STAG1: variants seen among roughly 807,000 people sequenced by gnomAD.
STAG1 encodes cohesin subunit SA-1.
A neutral mutation model predicts 170.9 loss-of-function variants in STAG1; 26 were observed. That is an observed-to-expected ratio of 0.15 (90% CI 0.11 to 0.21). The LOEUF is 0.21. Among genes scored for constraint, STAG1 ranks in the 10% least tolerant of loss-of-function variants. The pLI, the probability that STAG1 is intolerant of heterozygous loss-of-function variation, is 1.00. For missense variants in STAG1, 964 were observed against 1,509.5 expected, an observed-to-expected ratio of 0.64 and a Z score of 5.99; for synonymous variants, 514 against 497.7, an observed-to-expected ratio of 1.03 and a Z score of -0.44.
At chr3:136,594,724 G>T (rs1938340544) in intron 4 of STAG1, among the ~76,000 whole-genome samples, 1 of 152,154 alleles carries the variant, frequency 6.6e-6, no homozygotes, top group African/African-American at 2.4e-5. Flanking sequence ...TTGTAGCCCT[G>T]CGCCTAACCC....
chr3:136,514,816 A>G (rs1320150101), intron 7 of STAG1, among the ~76,000 whole-genome samples: 2 of 152,174 alleles, frequency 1.3e-5, no homozygotes, highest in Non-Finnish European at 2.9e-5. Context: ...ACAAGGACAG[A>G]AAACCAAACA....
chr3:136,369,535 T>C (rs1937210819), intron 23 of STAG1, among the ~76,000 whole-genome samples: 2 of 152,140 alleles, frequency 1.3e-5, no homozygotes, highest in African/African-American at 2.4e-5. Flanking sequence ...AACTCAAAAA[T>C]AGCTCATTAA....
intron 1 of STAG1, among the ~76,000 whole-genome samples, chr3:136,635,107 A>G (rs186027466): frequency 1.0e-3 from 156 of 152,316 alleles, no homozygotes; most frequent in African/African-American, 3.7e-3. Flanking sequence ...ACAAGAAGGA[A>G]CTACTTTCGA....
At chr3:136,594,422 T>A (rs1046141605) in intron 4 of STAG1, among the ~76,000 whole-genome samples, 3 of 152,164 alleles carry the variant, frequency 2.0e-5, no homozygotes, top group African/African-American at 7.2e-5. Context: ...GACACCTACC[T>A]CTTGCCCAAT....
chr3:136,710,752 A>G (rs898210255), intron 1 of STAG1, among the ~76,000 whole-genome samples: 2 of 152,110 alleles, frequency 1.3e-5, no homozygotes, highest in African/African-American at 4.8e-5. Flanking sequence ...ATAGATTAAA[A>G]CCATAAATGA....
intron 1 of STAG1, among the ~76,000 whole-genome samples, chr3:136,715,584 C>T (rs1213035670): frequency 6.6e-6 from 1 of 152,052 alleles, no homozygotes; most frequent in African/African-American, 2.4e-5. Context: ...CACACCACTG[C>T]ACTCCAGCCT....
At chr3:136,727,520 T>TAAC (rs1933755989) in intron 1 of STAG1, among the ~76,000 whole-genome samples, 1 of 152,238 alleles carries the variant, frequency 6.6e-6, no homozygotes, top group Non-Finnish European at 1.5e-5. Context: ...ATAATGCCTA[T>TAAC]AACAGATACT....
chr3:136,675,405 A>G (rs921644990), intron 1 of STAG1, among the ~76,000 whole-genome samples: 1 of 152,206 alleles, frequency 6.6e-6, no homozygotes, highest in Non-Finnish European at 1.5e-5. Context: ...CAGTGAATCA[A>G]TACCAGCAAC....
At chr3:136,554,962 T>C (rs952920265) in intron 5 of STAG1, among the ~76,000 whole-genome samples, 2 of 151,672 alleles carry the variant, frequency 1.3e-5, no homozygotes, top group African/African-American at 2.4e-5. Context: ...AAATAATCCA[T>C]GTGTCAAGAA....
At chr3:136,701,046 T>C in intron 1 of STAG1, among the ~76,000 whole-genome samples, 1 of 150,658 alleles carries the variant, frequency 6.6e-6, no homozygotes, top group Non-Finnish European at 1.5e-5. Context: ...CACACTTGGC[T>C]AATTTTTGTA....
intron 21 of STAG1, among the ~76,000 whole-genome samples, chr3:136,405,371 A>G (rs2087451288): frequency 6.7e-6 from 1 of 150,014 alleles, no homozygotes; most frequent in South Asian, 2.1e-4. Flanking sequence ...CTTTCCGAGT[A>G]GCTAGGATTA....
At chr3:136,412,618 G>A (rs2087656350) in intron 21 of STAG1, among the ~76,000 whole-genome samples, 1 of 152,124 alleles carries the variant, frequency 6.6e-6, no homozygotes, top group Non-Finnish European at 1.5e-5. Flanking sequence ...TATCATTTAT[G>A]TAGTAGTCCT....
intron 5 of STAG1, among the ~76,000 whole-genome samples, chr3:136,553,261 C>A (rs988326476): frequency 6.6e-6 from 1 of 151,604 alleles, no homozygotes; most frequent in Admixed American, 6.6e-5. Context: ...GAAAGCTGCA[C>A]AGAAATTCAA....
At chr3:136,731,988 A>G (rs1244191179) in intron 1 of STAG1, among the ~76,000 whole-genome samples, 4 of 152,156 alleles carry the variant, frequency 2.6e-5, no homozygotes, top group African/African-American at 7.2e-5. Context: ...ATTACCTGAT[A>G]AAGACTTAAC....
intron 9 of STAG1, among the ~76,000 whole-genome samples, chr3:136,478,398 A>C (rs1244588115): frequency 6.6e-6 from 1 of 152,204 alleles, no homozygotes; most frequent in African/African-American, 2.4e-5. Context: ...AACAAATACA[A>C]TGTTAACACT....
Position 136,630,987 on chromosome 3 carries a change from A to G in STAG1, c.-83-6T>C. On this transcript the variant is annotated splice_region_variant and splice_polypyrimidine_tract_variant and intron_variant, in intron 1 of 33. Coordinates refer to ENST00000383202, the MANE Select transcript of STAG1 (RefSeq NM_005862.3). Reference sequence around the variant, plus strand: ...AAATAACCTCAAAGGCAATCCTGTCAATTAAAAAAAAGAAATTATTTTAAA... The same window carrying G: ...AAATAACCTCAAAGGCAATCCTGTCGATTAAAAAAAAGAAATTATTTTAAA... 1 of 1,224,962 alleles carries G rather than the reference A, an allele frequency of 8.2e-7. No homozygotes were observed. Among genetic ancestry groups the G allele is most frequent in the Non-Finnish European group, 1.1e-6 (1 of 884,624 alleles). 75.9% of individuals were successfully genotyped at this position (1,224,962 alleles called of 1,614,324 possible).
intron 22 of STAG1, among the ~76,000 whole-genome samples, chr3:136,378,626 C>T (rs1226439248): frequency 6.6e-6 from 1 of 152,144 alleles, no homozygotes; most frequent in Non-Finnish European, 1.5e-5. Context: ...CATAATTGTG[C>T]CACTGCATTC....
At chr3:136,542,590 C>T (rs1161172264) in intron 5 of STAG1, among the ~76,000 whole-genome samples, 1 of 150,628 alleles carries the variant, frequency 6.6e-6, no homozygotes, top group East Asian at 1.9e-4. Flanking sequence ...ACAGATTGTA[C>T]CTGTAGCAAA....
chr3:136,604,609 CAA>C (rs527340202), intron 3 of STAG1, 136 bp from the exon 4 acceptor site: 65 of 750,848 alleles, frequency 8.7e-5, no homozygotes, highest in Admixed American at 2.0e-4. Flanking sequence ...CAAAAAAGTG[CAA>C]AGAGCAAAAC....
Sources: gnomAD v4.1 joint callset for allele counts (sites outside exome capture counted in the v4.1 genomes callset) on GRCh38, gnomAD v4.1.1 for gene constraint, MANE v1.5 for transcripts, NCBI Gene and HGNC (gene_info 2026-07-23, HGNC 2026-07-21) for gene names.